ZNF776: variants seen among roughly 807,000 people sequenced by gnomAD.
ZNF776 encodes zinc finger protein 776.
Under a neutral mutation model 7.0 loss-of-function variants are expected in ZNF776, and 4 were observed. The observed-to-expected ratio is 0.57, with a 90% CI of 0.28 to 1.31. ZNF776 has a LOEUF of 1.31. Among genes scored for constraint, ZNF776 ranks in the 50% most tolerant of loss-of-function variants. ZNF776 has a pLI of 0.10. For synonymous variants in ZNF776, 212 were observed against 213.7 expected (o/e 0.99, Z 0.07); for missense variants, 555 against 625.9 (o/e 0.89, Z 1.21).
chr19:57,754,352 G>A lies in ZNF776; in HGVS notation c.1222G>A (p.Glu408Lys). The change falls in exon 3 of 3, where the codon GAA (glutamate) becomes AAA (lysine). Residue 408 changes from glutamate to lysine, a missense_variant. Transcript: ENST00000317178. ...TGGAGAAAGACCCTATGAGTGTAAAGAATGTAGGAAATCATTTAGGTACAA... is the reference window on the plus strand; with the variant it reads ...TGGAGAAAGACCCTATGAGTGTAAAAAATGTAGGAAATCATTTAGGTACAA... ...HTGERPYECK[E>K]CRKSFRYKSH... 1 of 1,613,916 alleles carries A rather than the reference G, an allele frequency of 6.2e-7. No individual in the cohort carries two copies. Among genetic ancestry groups the A allele is most frequent in the Non-Finnish European group, 8.5e-7 (1 of 1,179,954 alleles).
intron 1 of ZNF776, among the ~76,000 whole-genome samples, chr19:57,748,132 G>A (rs73561445): frequency 0.014 from 2,096 of 152,262 alleles, 49 homozygotes; most frequent in African/African-American, 0.048. Context: ...GAAATAAGAT[G>A]AGAGTTGAGG....
chr19:57,751,032 T>A, intron 2 of ZNF776, 121 bp downstream of exon 2: 2 of 1,228,676 alleles, frequency 1.6e-6, no homozygotes, highest in Non-Finnish European at 2.2e-6. Flanking sequence ...CTCTGTTAGT[T>A]CCCTGGGTAG....
intron 1 of ZNF776, among the ~76,000 whole-genome samples, chr19:57,748,447 C>T (rs763560631): frequency 6.6e-6 from 1 of 152,106 alleles, no homozygotes; most frequent in Admixed American, 6.5e-5. Context: ...TGGCTATGGA[C>T]ATGCAGGTTG....
chr19:57,751,021 C>A, intron 2 of ZNF776, 110 bp downstream of exon 2: 1 of 1,310,544 alleles, frequency 7.6e-7, no homozygotes, highest in Non-Finnish European at 1.0e-6. Flanking sequence ...GGCACAGGTT[C>A]CTCTGTTAGT....
Position 57,746,942 on chromosome 19 carries a change from G to GAGGCCCC in ZNF776, c.-117_-116insAGGCCCC. Reference sequence around the variant, plus strand: ...GTCCCGACTGCACAGAGGCTGCTCTGCAGCTCCTTAAAGGCGCTAGGCGTG... The same window carrying GAGGCCCC: ...GTCCCGACTGCACAGAGGCTGCTCTGAGGCCCCCAGCTCCTTAAAGGCGCTAGGCGTG... On this transcript the variant is annotated 5_prime_UTR_variant, in exon 1 of 3. Transcript: ENST00000317178. The GAGGCCCC allele has an allele frequency of 9.3e-7, 1 of 1,075,006 alleles. No homozygotes were observed. The highest frequency in any genetic ancestry group is 1.6e-5 in the South Asian group (1 of 61,550). The allele number at this position is 1,075,006 out of a possible 1,614,324, so 66.6% of individuals were successfully genotyped here.
chr19:57,755,766 C>A lies in ZNF776; in HGVS notation c.*1079C>A, dbSNP rs1034307451. On this transcript the variant is annotated 3_prime_UTR_variant, in exon 3 of 3. Coordinates refer to ENST00000317178, the MANE Select transcript of ZNF776 (RefSeq NM_173632.4). Reference sequence around the variant, plus strand: ...ATTTATTTCATTCTTAGGTCTCTGGCAAAAGCCATTTCATCTCTACCACTT... The same window carrying A: ...ATTTATTTCATTCTTAGGTCTCTGGAAAAAGCCATTTCATCTCTACCACTT... The A allele has an allele frequency of 6.6e-6, 1 of 152,196 alleles. No homozygotes were observed. The highest frequency in any genetic ancestry group is 1.5e-5 in the Non-Finnish European group (1 of 68,046). 9.4% of individuals were successfully genotyped at this position (152,196 alleles called of 1,614,324 possible). A position where few individuals can be genotyped will look rare whatever the true frequency, so the allele number is the denominator to read the frequency against.
At position 57,755,963 on chromosome 19, in the gene ZNF776, A is replaced by G. The variant is rs985415061; in HGVS notation, c.*1276A>G. ...TGACTCAGTTCTGGCCTAGAGCAGA[A>G]GTGTCCAATCTTTTGGCTTTCCTGG... On this transcript the variant is annotated 3_prime_UTR_variant, in exon 3 of 3. Transcript: ENST00000317178. The G allele has an allele frequency of 6.6e-6, 1 of 152,236 alleles. No homozygotes were observed. Among genetic ancestry groups the G allele is most frequent in the Non-Finnish European group, 1.5e-5 (1 of 68,056 alleles). 9.4% of individuals were successfully genotyped at this position (152,236 alleles called of 1,614,324 possible). A position where few individuals can be genotyped will look rare whatever the true frequency, so the allele number is the denominator to read the frequency against.
chr19:57,751,636 G>A (rs1294242481), intron 2 of ZNF776, among the ~76,000 whole-genome samples: 1 of 151,526 alleles, frequency 6.6e-6, no homozygotes, highest in Non-Finnish European at 1.5e-5. Context: ...AAAGTGCTGG[G>A]ATTACAAGCA....
Position 57,755,521 on chromosome 19 carries a change from G to C in ZNF776, c.*834G>C, listed in dbSNP as rs980885433. 3 of 152,200 alleles carry C rather than the reference G, an allele frequency of 2.0e-5. No homozygotes were observed. Among genetic ancestry groups the C allele is most frequent in the African/African-American group, 7.2e-5 (3 of 41,450 alleles). The allele number at this position is 152,200 out of a possible 1,614,324, so 9.4% of individuals were successfully genotyped here. ...AGTGCCTTTTGAGTGCAGAGCATTT[G>C]CGAGGGCTTCACTCTTCTTTCACTG... On this transcript the variant is annotated 3_prime_UTR_variant, in exon 3 of 3. Coordinates refer to ENST00000317178, the MANE Select transcript of ZNF776 (RefSeq NM_173632.4).
At position 57,754,091 on chromosome 19, in the gene ZNF776, G is replaced by T; in HGVS notation, c.961G>T (p.Glu321Ter). 1 of 1,613,934 alleles carries T rather than the reference G, an allele frequency of 6.2e-7. No individual in the cohort carries two copies. ...QRVHTGERPY[E>*]CDECGKSFSH... ...AGTTCACACTGGAGAAAGACCTTAT[G>T]AATGTGACGAATGTGGGAAATCTTT... is the stretch of plus-strand genomic sequence containing the variant. The change falls in exon 3 of 3, where the codon GAA (glutamate) becomes TAA (stop). Residue 321 changes from glutamate (E) to a stop codon, truncating the protein, a stop_gained. Coordinates refer to ENST00000317178, the MANE Select transcript of ZNF776 (RefSeq NM_173632.4). LOFTEE classifies it low-confidence loss of function (END_TRUNC).
At chr19:57,748,785 A>C (rs151201125) in intron 1 of ZNF776, among the ~76,000 whole-genome samples, 1 of 152,218 alleles carries the variant, frequency 6.6e-6, no homozygotes, top group African/African-American at 2.4e-5. Flanking sequence ...AAGTGTAGTC[A>C]AATTGAGGGA....
chr19:57,748,401 A>C (rs1256123681), intron 1 of ZNF776, among the ~76,000 whole-genome samples: 1 of 152,220 alleles, frequency 6.6e-6, no homozygotes, highest in Non-Finnish European at 1.5e-5. Context: ...TTATGGCCAT[A>C]TGAAGAGTCA....
In ZNF776 at chr19:57,746,933, G is replaced by A. The variant is rs1363844764; in HGVS notation, c.-126G>A. The A allele has an allele frequency of 3.2e-6, 3 of 948,854 alleles. No individual in the cohort carries two copies. Among genetic ancestry groups the A allele is most frequent in the African/African-American group, 3.3e-5 (2 of 60,394 alleles). 58.8% of individuals were successfully genotyped at this position (948,854 alleles called of 1,614,324 possible). ...CGAGACGTTGTCCCGACTGCACAGA[G>A]GCTGCTCTGCAGCTCCTTAAAGGCG... On this transcript the variant is annotated 5_prime_UTR_variant, in exon 1 of 3. Transcript: ENST00000317178.
In ZNF776 at chr19:57,747,072, C is replaced by A; in HGVS notation, c.14C>A (p.Ala5Glu). The change falls in exon 1 of 3, where the codon GCG (alanine) becomes GAG (glutamate). Residue 5 changes from alanine (A) to glutamate (E), a missense_variant. By Grantham distance (107) the Ala-to-Glu change is moderately radical. Coordinates refer to ENST00000317178, the MANE Select transcript of ZNF776 (RefSeq NM_173632.4). MAAA[A>E]LRPPAQGTVT... ...CCACCCAGTCGGATGGCGGCGGCCG[C>A]GCTGAGGCCCCCGGCTCAGGTAATT... The A allele has an allele frequency of 6.3e-7, 1 of 1,590,100 alleles. No individual in the cohort carries two copies. Among genetic ancestry groups the A allele is most frequent in the Non-Finnish European group, 8.6e-7 (1 of 1,168,464 alleles).
At chr19:57,749,067 C>T (rs1177180239) in intron 1 of ZNF776, 1 of 152,128 alleles carries the variant, frequency 6.6e-6, no homozygotes, top group Non-Finnish European at 1.5e-5. Context: ...CTCCCAGGTT[C>T]AAGTGATTCT....
chr19:57,751,939 T>C (rs1269477828), intron 2 of ZNF776, among the ~76,000 whole-genome samples: 1 of 126,456 alleles, frequency 7.9e-6, no homozygotes, highest in Non-Finnish European at 1.6e-5. Flanking sequence ...TGGCCCAATC[T>C]CGGCTCACTG....
Position 57,754,020 on chromosome 19 carries a change from G to A in ZNF776, c.890G>A (p.Cys297Tyr), listed in dbSNP as rs149293397. ...TGERPYECGECDKSFSHKHSL... is the reference protein window; with the variant it reads ...TGERPYECGEYDKSFSHKHSL... ...GAAAGACCTTATGAGTGTGGAGAAT[G>A]TGATAAATCTTTTAGTCATAAGCAC... The change falls in exon 3 of 3, where the codon TGT becomes TAT. Residue 297 changes from cysteine to tyrosine, a missense_variant. Coordinates refer to ENST00000317178, the MANE Select transcript of ZNF776 (RefSeq NM_173632.4). 8.1e-6 allele frequency: 13 copies of A among 1,614,024 alleles called. No homozygotes were observed. The highest frequency in any genetic ancestry group is 1.1e-5 in the Non-Finnish European group (13 of 1,180,032).
chr19:57,750,530 C>T lies in ZNF776; in HGVS notation c.34-255C>T, dbSNP rs896771752. On this transcript the variant is annotated intron_variant, in intron 1 of 2. Coordinates refer to ENST00000317178, the MANE Select transcript of ZNF776 (RefSeq NM_173632.4). The stretch of plus-strand genomic sequence containing the variant: ...TGCATTGGGATTTACATGACTTCAT[C>T]TCTACCAGGGGCATTGGCTATCAGG... Among the ~76,000 whole-genome samples, 15 of 152,218 alleles carry T rather than the reference C, an allele frequency of 9.9e-5. 1 individual carries two copies. The South Asian group carries it at 3.1e-3, about 32-fold the overall frequency.
rs549578984 is a variant in ZNF776 at position 57,747,078 on chromosome 19, G to T, written c.20G>T (p.Arg7Met). 3.1e-5 allele frequency: 50 copies of T among 1,591,178 alleles called. 1 individual carries two copies. The East Asian group carries it at 1.1e-3, about 35-fold the overall frequency. Residue 7 changes from arginine (R) to methionine (M), a missense_variant, in exon 1 of 3, where the codon AGG (arginine) becomes ATG (methionine). Physicochemically the swap from Arg to Met is moderately conservative, Grantham distance 91. Coordinates refer to ENST00000317178, the MANE Select transcript of ZNF776 (RefSeq NM_173632.4). ...AGTCGGATGGCGGCGGCCGCGCTGA[G>T]GCCCCCGGCTCAGGTAATTGTGGCG... MAAAALRPPAQGTVTFE... is the reference protein window; with the variant it reads MAAAALMPPAQGTVTFE...
Sources: gnomAD v4.1 joint callset for allele counts (sites outside exome capture counted in the v4.1 genomes callset) on GRCh38, gnomAD v4.1.1 for gene constraint, MANE v1.5 for transcripts, NCBI Gene and HGNC (gene_info 2026-07-23, HGNC 2026-07-21) for gene names.